Variants in CYLC2 observed in about 807,000 individuals in gnomAD.
CYLC2 encodes the protein cylicin 2.
A neutral mutation model predicts 26.1 loss-of-function variants in CYLC2; 30 were observed. The ratio of observed to expected loss-of-function variants is 1.15; its 90% CI spans 0.86 to 1.56. The LOEUF (loss-of-function observed/expected upper bound fraction) is 1.56, where lower values mean the gene tolerates loss of function less well. Among genes scored for constraint, CYLC2 ranks in the 40% most tolerant of loss-of-function variants. CYLC2 has a pLI of 0.00. For synonymous variants in CYLC2, 158 were observed against 132.8 expected (o/e 1.19, Z -1.31); for missense variants, 498 against 394.4 (o/e 1.26, Z -2.23).
At position 103,003,254 on chromosome 9, in the gene CYLC2, C is replaced by T. The variant is rs1444955946; in HGVS notation, c.171C>T (p.Asn57=). ...CAAAACCTTCTCAAATACGGGACAA[C>T]ACGGTTTCTGTAAGCATTGGAAAGA... ...RRSKPSQIRD[N]TVSIIDEEQL... is the part of the protein sequence containing the mutation. The change falls in exon 3 of 8, where the codon AAC becomes AAT. Residue 57 remains asparagine (N), a synonymous_variant. Transcript: ENST00000374798. The T allele has an allele frequency of 6.2e-7, 1 of 1,612,872 alleles. No homozygotes were observed.
chr9:103,001,445 T>C (rs1829287946), intron 1 of CYLC2, 133 bp from the exon 2 acceptor site: 5 of 635,858 alleles, frequency 7.9e-6, no homozygotes, highest in Non-Finnish European at 1.4e-5. Flanking sequence ...AGTAATCTTA[T>C]ATAACAAAAG....
intron 5 of CYLC2, among the ~76,000 whole-genome samples, chr9:103,007,149 A>G (rs1349440667): frequency 6.6e-6 from 1 of 152,110 alleles, no homozygotes; most frequent in African/African-American, 2.4e-5. Flanking sequence ...TTAGAATTTT[A>G]TGAAGTTTGG....
At chr9:102,995,634 G>GT (rs956988203) in intron 1 of CYLC2, among the ~76,000 whole-genome samples, 12 of 151,694 alleles carry the variant, frequency 7.9e-5, no homozygotes, top group East Asian at 1.9e-4. Context: ...TTTTTTGTTT[G>GT]TTTTTTTACT....
chr9:103,014,474 TA>T (rs1829466868), intron 6 of CYLC2, among the ~76,000 whole-genome samples: 1 of 139,550 alleles, frequency 7.2e-6, no homozygotes, highest in Non-Finnish European at 1.5e-5. Flanking sequence ...GTAATATACA[TA>T]ATATGTATAT....
At chr9:103,002,358 T>A (rs928717688) in intron 2 of CYLC2, among the ~76,000 whole-genome samples, 1 of 3,402 alleles carries the variant, frequency 2.9e-4, no homozygotes. Flanking sequence ...ATTTGCCCCC[T>A]TTTTTTTTTT....
At chr9:103,014,158 A>G (rs1162053826) in intron 6 of CYLC2, among the ~76,000 whole-genome samples, 1 of 121,234 alleles carries the variant, frequency 8.2e-6, no homozygotes, top group African/African-American at 3.4e-5. Flanking sequence ...TATTTAATAT[A>G]TAATATGAAT....
In CYLC2 at chr9:103,005,765, A is replaced by T; in HGVS notation, c.*87A>T. On this transcript the variant is annotated 3_prime_UTR_variant, in exon 5 of 8. Transcript: ENST00000374798. Reference sequence around the variant, plus strand: ...GGTAGTCTGCAGCTGAATTTGTGAGAAAACAAGAGGCCTCAAAGAATTAAA... The same window carrying T: ...GGTAGTCTGCAGCTGAATTTGTGAGTAAACAAGAGGCCTCAAAGAATTAAA... 1.5e-6 allele frequency: 2 copies of T among 1,368,616 alleles called. No homozygotes were observed. The highest frequency in any genetic ancestry group is 2.0e-6 in the Non-Finnish European group (2 of 1,003,428). The allele number at this position is 1,368,616 out of a possible 1,614,324, so 84.8% of individuals were successfully genotyped here.
intron 6 of CYLC2, among the ~76,000 whole-genome samples, chr9:103,014,325 A>G (rs1829461841): frequency 7.4e-6 from 1 of 135,700 alleles, no homozygotes; most frequent in Non-Finnish European, 1.5e-5. Flanking sequence ...TATATATTAC[A>G]TAATGTATAT....
rs745612086 is a variant in CYLC2 at position 103,003,297 on chromosome 9, A to G, written c.180+34A>G. 6 of 1,549,814 alleles carry G rather than the reference A, an allele frequency of 3.9e-6. No individual in the cohort carries two copies. The East Asian group carries it at 6.9e-5, about 18-fold the overall frequency. On this transcript the variant is annotated intron_variant, in intron 3 of 7. Coordinates refer to ENST00000374798, the MANE Select transcript of CYLC2 (RefSeq NM_001340.5). ...TGGAAAGATTTTATAATTATCAGTA[A>G]TAAGTAATAACTTAGTAATAATTAT...
At chr9:103,009,401 G>T (rs1261387365) in intron 5 of CYLC2, among the ~76,000 whole-genome samples, 1 of 151,720 alleles carries the variant, frequency 6.6e-6, no homozygotes, top group Admixed American at 6.6e-5. Flanking sequence ...ATGGAGTTTT[G>T]CCATGTTGCC....
chr9:103,011,636 G>A (rs1392896718), intron 5 of CYLC2, among the ~76,000 whole-genome samples: 1 of 152,036 alleles, frequency 6.6e-6, no homozygotes, highest in Non-Finnish European at 1.5e-5. Context: ...AACTTTGCAA[G>A]AGATGGCAAA....
intron 1 of CYLC2, among the ~76,000 whole-genome samples, chr9:103,000,281 A>G (rs916337443): frequency 6.6e-6 from 1 of 151,956 alleles, no homozygotes; most frequent in African/African-American, 2.4e-5. Context: ...TTCAAATTCA[A>G]TTGCTGGGTG....
Position 103,005,623 on chromosome 9 carries a change from C to T in CYLC2, c.992C>T (p.Ala331Val). ...GCTAAGAAGGATGCAAAGAAGGATGCAAAGAAGAATGCAAAGAAGGATGAA... is the reference window on the plus strand; with the variant it reads ...GCTAAGAAGGATGCAAAGAAGGATGTAAAGAAGAATGCAAAGAAGGATGAA... Reference protein sequence around the residue: ...KNAKKDAKKDAKKNAKKDEKK... With the variant: ...KNAKKDAKKDVKKNAKKDEKK... The change falls in exon 5 of 8, where the codon GCA (alanine) becomes GTA (valine). Residue 331 changes from alanine to valine, a missense_variant. By Grantham distance (64) the Ala-to-Val change is moderately conservative. Coordinates refer to ENST00000374798, the MANE Select transcript of CYLC2 (RefSeq NM_001340.5). The T allele has an allele frequency of 1.2e-6, 2 of 1,612,192 alleles. No individual in the cohort carries two copies. The highest frequency in any genetic ancestry group is 1.3e-5 in the African/African-American group (1 of 74,672).
At chr9:103,013,732 A>G (rs1407961929) in intron 6 of CYLC2, among the ~76,000 whole-genome samples, 1 of 111,388 alleles carries the variant, frequency 9.0e-6, no homozygotes, top group Non-Finnish European at 1.6e-5. Flanking sequence ...TGCATTTTAT[A>G]TATAATTATA....
chr9:103,014,719 ATATG>A (rs1829474144), intron 6 of CYLC2, among the ~76,000 whole-genome samples: 2 of 110,450 alleles, frequency 1.8e-5, no homozygotes, highest in African/African-American at 6.8e-5. Flanking sequence ...TGCAATATAC[ATATG>A]TAATATACGT....
intron 6 of CYLC2, among the ~76,000 whole-genome samples, chr9:103,015,952 T>C (rs1412482523): frequency 6.7e-6 from 1 of 150,026 alleles, no homozygotes; most frequent in Non-Finnish European, 1.5e-5. Context: ...TATATCTAAT[T>C]GTATATATAT....
intron 6 of CYLC2, among the ~76,000 whole-genome samples, chr9:103,013,156 T>TATATCATATATAAATATATATTTA (rs1554713502): frequency 1.3e-4 from 14 of 111,244 alleles, no homozygotes; most frequent in Admixed American, 4.9e-4. Context: ...CATATATAAA[T>TATATCATATATAAATATATATTTA]ATATATTATA....
chr9:103,001,390 G>A (rs1829287532), intron 1 of CYLC2, among the ~76,000 whole-genome samples, 188 bp from the exon 2 acceptor site: 1 of 151,676 alleles, frequency 6.6e-6, no homozygotes, highest in African/African-American at 2.4e-5. Flanking sequence ...TAGTACTGTT[G>A]TAATTTGAAA....
chr9:103,011,809 A>C (rs963356703), intron 5 of CYLC2, among the ~76,000 whole-genome samples, 173 bp from the exon 6 acceptor site: 1 of 152,018 alleles, frequency 6.6e-6, no homozygotes, highest in African/African-American at 2.4e-5. Context: ...TTTTTATACA[A>C]AGTTTGGCCT....
Sources: allele counts gnomAD v4.1 joint callset (sites outside exome capture counted in the v4.1 genomes callset), GRCh38; gene constraint gnomAD v4.1.1; transcripts MANE v1.5; gene names NCBI Gene and HGNC (gene_info 2026-07-23, HGNC 2026-07-21).